AAK1: variants seen among roughly 807,000 people sequenced by gnomAD.
AAK1 encodes AP2 associated kinase 1.
AAK1 carries 37 observed loss-of-function variants against 116.0 expected under a neutral mutation model. The ratio of observed to expected loss-of-function variants is 0.32; its 90% confidence interval spans 0.25 to 0.42. The LOEUF is 0.42. Among genes scored for constraint, AAK1 ranks in the 10% least tolerant of loss-of-function variants. The probability of loss-of-function intolerance (pLI) is 1.00; values close to 1 mark genes in which losing one functional copy is unlikely to be tolerated. For missense variants in AAK1, 919 were observed against 1,170.6 expected (o/e 0.79, Z 3.14); for synonymous variants, 458 against 439.9 (o/e 1.04, Z -0.51).
Position 69,472,189 on chromosome 2 carries a change from AT to A in AAK1, c.*3679del. The A allele has an allele frequency of 1.0e-6, 1 of 981,814 alleles. No individual in the cohort carries two copies. The highest frequency in any genetic ancestry group is 1.2e-6 in the Non-Finnish European group (1 of 826,676). 60.8% of individuals were successfully genotyped at this position (981,814 alleles called of 1,614,324 possible). A position where few individuals can be genotyped will look rare whatever the true frequency, so the allele number is the denominator to read the frequency against. ...TTCTATTATAAGGTCCTCTCTGAGAATTTTTTGTGGATTATCCTTTTTACTG... is the reference window on the plus strand; with the variant it reads ...TTCTATTATAAGGTCCTCTCTGAGAATTTTTGTGGATTATCCTTTTTACTG... On this transcript the variant is annotated 3_prime_UTR_variant, in exon 22 of 22. Transcript: ENST00000409085.
chr2:69,498,141 T>C (rs974788446), intron 16 of AAK1, among the ~76,000 whole-genome samples: 5 of 152,098 alleles, frequency 3.3e-5, no homozygotes, highest in African/African-American at 1.2e-4. Context: ...TGGGTTGAAT[T>C]TGGAAATCAT....
chr2:69,611,841 A>C (rs1674096321), intron 2 of AAK1, among the ~76,000 whole-genome samples: 1 of 152,238 alleles, frequency 6.6e-6, no homozygotes, highest in Non-Finnish European at 1.5e-5. Context: ...TTTGACATAT[A>C]CTATAACATG....
At chr2:69,591,499 AT>A (rs1157442867) in intron 2 of AAK1, among the ~76,000 whole-genome samples, 2 of 147,708 alleles carry the variant, frequency 1.4e-5, no homozygotes, top group South Asian at 2.2e-4. Context: ...TGGTTCTATA[AT>A]TTTTTTTTCT....
rs2104868541 is a variant in AAK1 at position 69,469,786 on chromosome 2, A to G, written c.*6083T>C. 2.0e-6 allele frequency: 2 copies of G among 985,466 alleles called. No individual in the cohort carries two copies. Among genetic ancestry groups the G allele is most frequent in the East Asian group, 1.1e-4 (1 of 8,818 alleles). 61.0% of individuals were successfully genotyped at this position (985,466 alleles called of 1,614,324 possible). A position where few individuals can be genotyped will look rare whatever the true frequency, so the allele number is the denominator to read the frequency against. On this transcript the variant is annotated 3_prime_UTR_variant, in exon 22 of 22. Coordinates refer to ENST00000409085, the MANE Select transcript of AAK1 (RefSeq NM_014911.5). The stretch of plus-strand genomic sequence containing the variant: ...ATAAAATTAAGCAAGAAGTCAAAAC[A>G]TACTTCTTTTTCTTGCTCTGATGTA...
At position 69,466,682 on chromosome 2, in the gene AAK1, TA is replaced by T; in HGVS notation, c.*9186del. On this transcript the variant is annotated 3_prime_UTR_variant, in exon 22 of 22. Coordinates refer to ENST00000409085, the MANE Select transcript of AAK1 (RefSeq NM_014911.5). The stretch of plus-strand genomic sequence containing the variant: ...TGTTGAAAATGCAACAGGAAAAACA[TA>T]AAAATAAAAGTCAGGCAAGGAAACT... 1 of 1,093,000 alleles carries T rather than the reference TA, an allele frequency of 9.1e-7. No individual in the cohort carries two copies. The highest frequency in any genetic ancestry group is 1.1e-6 in the Non-Finnish European group (1 of 892,262). 67.7% of individuals were successfully genotyped at this position (1,093,000 alleles called of 1,614,324 possible).
Position 69,520,871 on chromosome 2 carries a change from C to G in AAK1, c.1173G>C (p.Arg391=), listed in dbSNP as rs987945191. 2.5e-6 allele frequency: 4 copies of G among 1,592,478 alleles called. No homozygotes were observed. Among genetic ancestry groups the G allele is most frequent in the Non-Finnish European group, 3.4e-6 (4 of 1,170,784 alleles). The change falls in exon 11 of 22, where the codon CGG becomes CGC. Residue 391 remains arginine (R), a synonymous_variant. Coordinates refer to ENST00000409085, the MANE Select transcript of AAK1 (RefSeq NM_014911.5). ...GTGGGGGCTGAACAGTGGCCCTCTT[C>G]CGGGGTGTCAGCGCTGGCTGGATGG... ...ILPIQPALTP[R]KRATVQPPPQ... is the part of the protein sequence containing the mutation.
rs551977004 is a variant in AAK1, at chr2:69,544,349, G to C, written c.391+87C>G. On this transcript the variant is annotated intron_variant, in intron 4 of 21. Coordinates refer to ENST00000409085, the MANE Select transcript of AAK1 (RefSeq NM_014911.5). Reference sequence around the variant, plus strand: ...AAACCAGAACATATCATAGAGTGCAGTGCACATTAAGTGAAATGACCACCC... The same window carrying C: ...AAACCAGAACATATCATAGAGTGCACTGCACATTAAGTGAAATGACCACCC... 1.6e-5 allele frequency: 16 copies of C among 989,416 alleles called. No homozygotes were observed. In the African/African-American group the frequency reaches 2.2e-4, roughly 14 times the overall value. 61.3% of individuals were successfully genotyped at this position (989,416 alleles called of 1,614,324 possible). A position where few individuals can be genotyped will look rare whatever the true frequency, so the allele number is the denominator to read the frequency against.
In AAK1 at chr2:69,565,416, G is replaced by T. The variant is rs575244457; in HGVS notation, c.164-8438C>A. Among the ~76,000 whole-genome samples, 4 of 152,340 alleles carry T rather than the reference G, an allele frequency of 2.6e-5. No homozygotes were observed. The East Asian group carries it at 7.7e-4, about 29-fold the overall frequency. On this transcript the variant is annotated intron_variant, in intron 2 of 21. Coordinates refer to ENST00000409085, the MANE Select transcript of AAK1 (RefSeq NM_014911.5). ...CAGCCCTGCTTCCATCTTTACAAGGGCCTGTGAAGTCAGCAGGTCATGTAC... is the reference window on the plus strand; with the variant it reads ...CAGCCCTGCTTCCATCTTTACAAGGTCCTGTGAAGTCAGCAGGTCATGTAC...
At chr2:69,497,277 C>T (rs980257968) in intron 16 of AAK1, among the ~76,000 whole-genome samples, 9 of 147,260 alleles carry the variant, frequency 6.1e-5, no homozygotes, top group Non-Finnish European at 8.9e-5. Flanking sequence ...CCACCACATG[C>T]AGCTTTACAT....
At position 69,475,718 on chromosome 2, in the gene AAK1, T is replaced by C. The variant is rs1012330727; in HGVS notation, c.*151A>G. ...AAAGTGATTTTCTTTCCTTATCATT[T>C]CTACAGGAGAAGGCAAGGGGTAGGA... On this transcript the variant is annotated 3_prime_UTR_variant, in exon 22 of 22. Transcript: ENST00000409085. 3.6e-6 allele frequency: 5 copies of C among 1,404,142 alleles called. No individual in the cohort carries two copies. The African/African-American group carries it at 5.8e-5, about 16-fold the overall frequency. The allele number at this position is 1,404,142 out of a possible 1,614,324, so 87.0% of individuals were successfully genotyped here.
intron 17 of AAK1, among the ~76,000 whole-genome samples, chr2:69,495,178 G>A (rs1333811718): frequency 1.3e-5 from 2 of 152,160 alleles, no homozygotes; most frequent in African/African-American, 4.8e-5. Flanking sequence ...ACAGATAAGA[G>A]AAAGGGCGGC....
intron 2 of AAK1, among the ~76,000 whole-genome samples, chr2:69,640,321 A>G (rs780532357): frequency 6.6e-6 from 1 of 152,142 alleles, no homozygotes; most frequent in Non-Finnish European, 1.5e-5. Context: ...CTCGCAGGTG[A>G]TAAGTATGCC....
At position 69,471,478 on chromosome 2, in the gene AAK1, T is replaced by G. The variant is rs1572871861; in HGVS notation, c.*4391A>C. On this transcript the variant is annotated 3_prime_UTR_variant, in exon 22 of 22. Coordinates refer to ENST00000409085, the MANE Select transcript of AAK1 (RefSeq NM_014911.5). ...GGAATAAAGATAGCTTTGCAGTATC[T>G]GGAGTGTTTCAGGAAAGCTTCCATT... The G allele has an allele frequency of 1.0e-6, 1 of 985,364 alleles. No homozygotes were observed. Among genetic ancestry groups the G allele is most frequent in the African/African-American group, 1.7e-5 (1 of 57,258 alleles). The allele number at this position is 985,364 out of a possible 1,614,324, so 61.0% of individuals were successfully genotyped here. A position where few individuals can be genotyped will look rare whatever the true frequency, so the allele number is the denominator to read the frequency against.
intron 8 of AAK1, among the ~76,000 whole-genome samples, chr2:69,528,637 C>G (rs1008920452): frequency 6.6e-6 from 1 of 151,778 alleles, no homozygotes; most frequent in Non-Finnish European, 1.5e-5. Context: ...AGAGGACAGG[C>G]GAACTGGGTA....
intron 3 of AAK1, among the ~76,000 whole-genome samples, chr2:69,545,695 T>A (rs1210130509): frequency 6.6e-6 from 1 of 152,232 alleles, no homozygotes; most frequent in East Asian, 1.9e-4. Flanking sequence ...AGTGATGGAT[T>A]GTGAATGACT....
At position 69,471,127 on chromosome 2, in the gene AAK1, G is replaced by A. The variant is rs921093496; in HGVS notation, c.*4742C>T. On this transcript the variant is annotated 3_prime_UTR_variant, in exon 22 of 22. Coordinates refer to ENST00000409085, the MANE Select transcript of AAK1 (RefSeq NM_014911.5). ...ATAAACACACATCCACATGACAAAGGAGAGTGCAATAGGGCAGAGTAGAAT... is the reference window on the plus strand; with the variant it reads ...ATAAACACACATCCACATGACAAAGAAGAGTGCAATAGGGCAGAGTAGAAT... 20 of 985,632 alleles carry A rather than the reference G, an allele frequency of 2.0e-5. No homozygotes were observed. The highest frequency in any genetic ancestry group is 2.0e-5 in the Non-Finnish European group (17 of 829,942). 61.1% of individuals were successfully genotyped at this position (985,632 alleles called of 1,614,324 possible). A position where few individuals can be genotyped will look rare whatever the true frequency, so the allele number is the denominator to read the frequency against.
intron 15 of AAK1, 80 bp downstream of exon 15, chr2:69,507,341 G>A (rs760041335): frequency 2.5e-5 from 37 of 1,508,518 alleles, no homozygotes; most frequent in Admixed American, 6.2e-5. Flanking sequence ...CTAGAGTTAC[G>A]ATTCTTTCTC....
chr2:69,598,778 C>G (rs1009588585), intron 2 of AAK1: 2 of 184,104 alleles, frequency 1.1e-5, no homozygotes, highest in African/African-American at 4.8e-5. Flanking sequence ...GCCTCAGCCT[C>G]CCAAAGTGCT....
chr2:69,516,640 C>T (rs1278987880), intron 12 of AAK1: 1 of 152,180 alleles, frequency 6.6e-6, no homozygotes, highest in Non-Finnish European at 1.5e-5. Context: ...TCATTAAAGA[C>T]CACTGGAGTT....
Sources: gnomAD v4.1 joint callset for allele counts (sites outside exome capture counted in the v4.1 genomes callset) on GRCh38, gnomAD v4.1.1 for gene constraint, MANE v1.5 for transcripts, NCBI Gene and HGNC (gene_info 2026-07-23, HGNC 2026-07-21) for gene names.